Variants in NCK2 observed in about 807,000 individuals in gnomAD.
NCK2 encodes cytoplasmic protein NCK2.
In NCK2, 16 loss-of-function variants were observed where a neutral mutation model predicts 33.9. The observed-to-expected ratio is 0.47, with a 90% confidence interval of 0.32 to 0.72. NCK2 has a LOEUF of 0.72. Among genes scored for constraint, NCK2 ranks in the 30% least tolerant of loss-of-function variants. The pLI is 0.03. For missense variants in NCK2, 418 were observed against 537.3 expected (o/e 0.78, Z 2.19); for synonymous variants, 273 against 239.9 (o/e 1.14, Z -1.27).
chr2:105,889,663 T>C (rs1678891632), intron 4 of NCK2, among the ~76,000 whole-genome samples: 1 of 151,704 alleles, frequency 6.6e-6, no homozygotes, highest in South Asian at 2.1e-4. Context: ...ACCTCACTGT[T>C]GCCTTGACCT....
chr2:105,810,310 G>A (rs1675240356), intron 1 of NCK2, among the ~76,000 whole-genome samples: 1 of 151,950 alleles, frequency 6.6e-6, no homozygotes, highest in South Asian at 2.1e-4. Flanking sequence ...AAAAACAAAA[G>A]TGTGTGTGTG....
intron 1 of NCK2, among the ~76,000 whole-genome samples, chr2:105,751,977 A>AAC (rs1553449739): frequency 6.6e-6 from 1 of 152,174 alleles, no homozygotes; most frequent in Non-Finnish European, 1.5e-5. Flanking sequence ...TATTTTGCCC[A>AAC]ATATATATAT....
intron 3 of NCK2, among the ~76,000 whole-genome samples, chr2:105,866,134 G>A (rs1213850431): frequency 6.6e-6 from 1 of 152,108 alleles, no homozygotes; most frequent in East Asian, 1.9e-4. Flanking sequence ...GGCTGGTCTC[G>A]AACTCCTGAC....
chr2:105,837,374 T>C (rs1676471640), intron 2 of NCK2, among the ~76,000 whole-genome samples: 1 of 152,218 alleles, frequency 6.6e-6, no homozygotes, highest in African/African-American at 2.4e-5. Flanking sequence ...TGCAGTCCTT[T>C]GACTTCCCCA....
chr2:105,871,687 G>A (rs1455043827), intron 3 of NCK2, among the ~76,000 whole-genome samples: 3 of 151,978 alleles, frequency 2.0e-5, no homozygotes, highest in Admixed American at 2.0e-4. Context: ...TAGAGACGGG[G>A]TTTCACCATT....
At chr2:105,758,032 T>G (rs190025108) in intron 1 of NCK2, among the ~76,000 whole-genome samples, 1 of 152,340 alleles carries the variant, frequency 6.6e-6, no homozygotes, top group East Asian at 1.9e-4. Context: ...TTGCTTAGGA[T>G]GAACACATGA....
intron 4 of NCK2, among the ~76,000 whole-genome samples, chr2:105,889,326 A>C (rs1678863016): frequency 6.6e-6 from 1 of 152,252 alleles, no homozygotes; most frequent in Non-Finnish European, 1.5e-5. Flanking sequence ...AGCTCCCTCC[A>C]TCATGGGCTG....
intron 3 of NCK2, among the ~76,000 whole-genome samples, chr2:105,866,495 G>C (rs1348430740): frequency 6.6e-6 from 1 of 152,326 alleles, no homozygotes; most frequent in South Asian, 2.1e-4. Flanking sequence ...GGCAGGAGGT[G>C]GGGGCGATGG....
chr2:105,750,187 C>G (rs1689413569), intron 1 of NCK2, among the ~76,000 whole-genome samples: 1 of 152,186 alleles, frequency 6.6e-6, no homozygotes, highest in Admixed American at 6.5e-5. Context: ...GTGTCTCTTC[C>G]TGGCTCGTCT....
intron 1 of NCK2, among the ~76,000 whole-genome samples, chr2:105,757,492 C>T (rs1253280514): frequency 6.6e-6 from 1 of 152,142 alleles, no homozygotes; most frequent in Non-Finnish European, 1.5e-5. Flanking sequence ...CTACGTTGTT[C>T]ATCCTGCCAC....
chr2:105,855,427 TCTAAG>T (rs1167021837), intron 3 of NCK2, 138 bp downstream of exon 3: 1 of 666,286 alleles, frequency 1.5e-6, no homozygotes, highest in African/African-American at 1.8e-5. Context: ...TTTTTAATAA[TCTAAG>T]AATTAAGAGA....
intron 1 of NCK2, among the ~76,000 whole-genome samples, chr2:105,766,724 A>G (rs746393916): frequency 2.6e-5 from 4 of 152,156 alleles, no homozygotes; most frequent in Non-Finnish European, 5.9e-5. Context: ...GCAGGTGAAC[A>G]TCGAACCAGC....
Position 105,893,310 on chromosome 2 carries a change from G to T in NCK2, c.*134G>T. ...GTCTCTCTTTATGTTCAGGTCGCTT[G>T]GTCGGTTCGTCTCCCATTTGCCATC... On this transcript the variant is annotated 3_prime_UTR_variant, in exon 5 of 5. Coordinates refer to ENST00000233154, the MANE Select transcript of NCK2 (RefSeq NM_003581.5). 1.1e-6 allele frequency: 1 copy of T among 923,182 alleles called. No homozygotes were observed. The highest frequency in any genetic ancestry group is 1.6e-6 in the Non-Finnish European group (1 of 633,986). The allele number at this position is 923,182 out of a possible 1,614,324, so 57.2% of individuals were successfully genotyped here.
chr2:105,836,808 G>A (rs1676453414), intron 2 of NCK2, among the ~76,000 whole-genome samples: 1 of 152,156 alleles, frequency 6.6e-6, no homozygotes, highest in African/African-American at 2.4e-5. Flanking sequence ...CTAGGAGGAT[G>A]CACTCTAGTG....
chr2:105,881,064 C>A (rs1265810067), intron 3 of NCK2, among the ~76,000 whole-genome samples: 1 of 150,876 alleles, frequency 6.6e-6, no homozygotes, highest in Non-Finnish European at 1.5e-5. Flanking sequence ...GGATTCCAGG[C>A]GTGAGCCACT....
At chr2:105,777,498 G>T (rs950882596) in intron 1 of NCK2, among the ~76,000 whole-genome samples, 1 of 152,142 alleles carries the variant, frequency 6.6e-6, no homozygotes, top group South Asian at 2.1e-4. Flanking sequence ...TGCATTTTCT[G>T]TATGGATCAA....
At chr2:105,846,541 A>C (rs1203211237) in intron 2 of NCK2, 27 of 152,170 alleles carry the variant, frequency 1.8e-4, no homozygotes, top group Admixed American at 1.8e-3. Flanking sequence ...ATCAGTATAA[A>C]ATTTTTCTTT....
intron 4 of NCK2, among the ~76,000 whole-genome samples, chr2:105,886,484 A>T (rs1678725287): frequency 6.6e-6 from 1 of 152,216 alleles, no homozygotes; most frequent in Admixed American, 6.5e-5. Context: ...GGGCTCTGCA[A>T]CCTTGGTTTG....
chr2:105,834,010 CCTGA>C (rs1172605443), intron 2 of NCK2, among the ~76,000 whole-genome samples: 11 of 152,286 alleles, frequency 7.2e-5, no homozygotes, highest in Middle Eastern at 3.4e-3. Flanking sequence ...TGAGATAATA[CCTGA>C]CTTTGATTTA....
Sources: gnomAD v4.1 joint callset for allele counts (sites outside exome capture counted in the v4.1 genomes callset) on GRCh38, gnomAD v4.1.1 for gene constraint, MANE v1.5 for transcripts, NCBI Gene and HGNC (gene_info 2026-07-23, HGNC 2026-07-21) for gene names.